Variants in NCAM2 observed in about 807,000 individuals in gnomAD.
NCAM2 encodes neural cell adhesion molecule 2.
A neutral mutation model predicts 98.1 loss-of-function variants in NCAM2; 30 were observed. The ratio of observed to expected loss-of-function variants is 0.31; its 90% CI spans 0.23 to 0.41. The LOEUF is 0.41. NCAM2 is among the 10% of genes least tolerant of loss of function. NCAM2 has a pLI of 1.00. For synonymous variants in NCAM2, 368 were observed against 342.4 expected, an observed-to-expected ratio of 1.07 and a Z score of -0.83; for missense variants, 867 against 1,005.8, an observed-to-expected ratio of 0.86 and a Z score of 1.87.
At chr21:21,350,557 T>C (rs2075307375) in intron 8 of NCAM2, among the ~76,000 whole-genome samples, 2 of 152,198 alleles carry the variant, frequency 1.3e-5, no homozygotes, top group Admixed American at 1.3e-4. Context: ...GAGGAAGATA[T>C]TGAACTGTTG....
chr21:21,068,984 G>A (rs1313333445), intron 1 of NCAM2, among the ~76,000 whole-genome samples: 1 of 152,076 alleles, frequency 6.6e-6, no homozygotes, highest in Non-Finnish European at 1.5e-5. Context: ...CTGCTAAGTT[G>A]ATACTTTCTA....
At chr21:21,099,585 C>G (rs1280809968) in intron 1 of NCAM2, among the ~76,000 whole-genome samples, 1 of 151,878 alleles carries the variant, frequency 6.6e-6, no homozygotes, top group African/African-American at 2.4e-5. Context: ...GGGTAACAGA[C>G]CCCATAATTC....
intron 4 of NCAM2, among the ~76,000 whole-genome samples, chr21:21,291,893 T>G (rs948905322): frequency 3.7e-5 from 5 of 135,778 alleles, no homozygotes; most frequent in African/African-American, 1.2e-4. Context: ...ATTTTATTCT[T>G]TTAGGAAAAA....
chr21:21,377,698 A>G (rs1172258464), intron 9 of NCAM2, among the ~76,000 whole-genome samples: 2 of 151,888 alleles, frequency 1.3e-5, no homozygotes, highest in Admixed American at 6.6e-5. Context: ...TTATGGTGAG[A>G]CATTTAAAAT....
At position 21,410,346 on chromosome 21, in the gene NCAM2, A is replaced by C; in HGVS notation, c.1268A>C (p.Asp423Ala). Residue 423 changes from aspartate (D) to alanine (A), a missense_variant, in exon 10 of 18, where the codon GAT becomes GCT. Around this residue, in one of 5 missense-constraint regions of NCAM2, gnomAD observed 5 missense variants for 20.5 expected, o/e 0.24. Coordinates refer to ENST00000400546, the MANE Select transcript of NCAM2 (RefSeq NM_004540.5). Reference sequence around the variant, plus strand: ...GGAAATCCTATCAATATAAGTTGTGATGTGAAATCGAATCCACCAGCATCA... The same window carrying C: ...GGAAATCCTATCAATATAAGTTGTGCTGTGAAATCGAATCCACCAGCATCA... ...WEGNPINISC[D>A]VKSNPPASIH... 6.2e-7 allele frequency: 1 copy of C among 1,603,626 alleles called. No homozygotes were observed. The highest frequency in any genetic ancestry group is 8.5e-7 in the Non-Finnish European group (1 of 1,174,188).
chr21:21,128,249 T>C (rs995633361), intron 1 of NCAM2, among the ~76,000 whole-genome samples: 1 of 152,070 alleles, frequency 6.6e-6, no homozygotes, highest in Admixed American at 6.6e-5. Flanking sequence ...TGAGGGTTTT[T>C]TTTTTTTCTT....
intron 12 of NCAM2, among the ~76,000 whole-genome samples, chr21:21,450,255 G>A (rs955645085): frequency 2.0e-5 from 3 of 151,812 alleles, no homozygotes; most frequent in African/African-American, 4.8e-5. Context: ...GTATATGTAT[G>A]TATGTGTGTA....
At chr21:21,526,736 C>T (rs984902006) in intron 16 of NCAM2, among the ~76,000 whole-genome samples, 29 of 152,154 alleles carry the variant, frequency 1.9e-4, no homozygotes, top group African/African-American at 6.0e-4. Context: ...CTATAAGCTA[C>T]GATAAACAAG....
At chr21:21,014,242 G>C (rs1262554632) in intron 1 of NCAM2, among the ~76,000 whole-genome samples, 1 of 152,080 alleles carries the variant, frequency 6.6e-6, no homozygotes, top group African/African-American at 2.4e-5. Flanking sequence ...TGGCCAACAT[G>C]ATGAAACCCC....
chr21:21,159,157 T>A (rs1283716310), intron 1 of NCAM2, among the ~76,000 whole-genome samples: 2 of 152,174 alleles, frequency 1.3e-5, no homozygotes, highest in Non-Finnish European at 2.9e-5. Flanking sequence ...TAGAAAAATT[T>A]GTGAGGATAT....
At chr21:21,196,820 G>A (rs1312978363) in intron 1 of NCAM2, among the ~76,000 whole-genome samples, 1 of 152,220 alleles carries the variant, frequency 6.6e-6, no homozygotes, top group African/African-American at 2.4e-5. Flanking sequence ...TGGAGGTGGG[G>A]CCTGGTGGCA....
chr21:21,195,801 T>C (rs969892637), intron 1 of NCAM2, among the ~76,000 whole-genome samples: 14 of 152,166 alleles, frequency 9.2e-5, no homozygotes, highest in Admixed American at 8.5e-4. Flanking sequence ...AAAAATGAAA[T>C]GTTAGTCAGA....
chr21:21,237,273 T>C (rs2070869025), intron 1 of NCAM2, among the ~76,000 whole-genome samples: 1 of 152,120 alleles, frequency 6.6e-6, no homozygotes, highest in African/African-American at 2.4e-5. Flanking sequence ...GTCACTGTGG[T>C]TTCAATTTTT....
chr21:21,324,492 C>T lies in NCAM2; in HGVS notation c.729C>T (p.Ser243=). 1 of 1,608,646 alleles carries T rather than the reference C, an allele frequency of 6.2e-7. No individual in the cohort carries two copies. Among genetic ancestry groups the T allele is most frequent in the Non-Finnish European group, 8.5e-7 (1 of 1,175,268 alleles). Residue 243 remains serine, a synonymous_variant, in exon 6 of 18, where the codon TCC becomes TCT. Coordinates refer to ENST00000400546, the MANE Select transcript of NCAM2 (RefSeq NM_004540.5). The part of the protein sequence containing the change: ...RASGSPEPAI[S]WFRNGKLIEE... The stretch of plus-strand genomic sequence containing the variant: ...CAGGCTCTCCAGAACCCGCCATCTC[C>T]TGGTTCAGGTAGGTTATGCACCCCC...
chr21:21,508,856 C>A lies in NCAM2; in HGVS notation c.2083C>A (p.Leu695Met). The A allele has an allele frequency of 2.4e-6, 1 of 410,908 alleles. No homozygotes were observed. The highest frequency in any genetic ancestry group is 4.2e-6 in the Non-Finnish European group (1 of 236,746). The allele number at this position is 410,908 out of a possible 1,614,324, so 25.5% of individuals were successfully genotyped here. ...PPKPNIIKDT[L>M]FNGLGLGAVI... ...TTTTTTTTTTACTTTTTAAGACACG[C>A]TGTTTAATGGTCTTGGGCTTGGAGC... Residue 695 changes from leucine (L) to methionine (M), a missense_variant, in exon 16 of 18, where the codon CTG becomes ATG. Leu to Met is a conservative substitution (Grantham distance 15, BLOSUM62 2). Around this residue, in one of 5 missense-constraint regions of NCAM2, gnomAD observed 234 missense variants for 333.8 expected, o/e 0.70. Transcript: ENST00000400546.
chr21:21,002,726 C>T (rs1405666206), intron 1 of NCAM2, among the ~76,000 whole-genome samples: 2 of 151,944 alleles, frequency 1.3e-5, no homozygotes, highest in Middle Eastern at 3.2e-3. Flanking sequence ...GCCCTATTTC[C>T]CCCCAAAATG....
intron 1 of NCAM2, among the ~76,000 whole-genome samples, chr21:21,032,340 A>C (rs2064703064): frequency 6.6e-6 from 1 of 152,220 alleles, no homozygotes; most frequent in Admixed American, 6.5e-5. Context: ...CCTAATATAT[A>C]AAATGGCTAT....
At chr21:21,114,037 A>C (rs1277783033) in intron 1 of NCAM2, among the ~76,000 whole-genome samples, 1 of 152,204 alleles carries the variant, frequency 6.6e-6, no homozygotes, top group African/African-American at 2.4e-5. Context: ...TTGTGTAGCC[A>C]TCATTTCTCT....
At chr21:21,183,565 C>T (rs998297607) in intron 1 of NCAM2, among the ~76,000 whole-genome samples, 1 of 152,092 alleles carries the variant, frequency 6.6e-6, no homozygotes, top group African/African-American at 2.4e-5. Context: ...CGTATTCCCC[C>T]ACCTGGCCAT....
Sources: gnomAD v4.1 joint callset for allele counts (sites outside exome capture counted in the v4.1 genomes callset) on GRCh38, gnomAD v4.1.1 for gene constraint, gnomAD v4.1.1 regional missense constraint, MANE v1.5 for transcripts, NCBI Gene and HGNC (gene_info 2026-07-23, HGNC 2026-07-21) for gene names.